The following GMDS variants were observed in gnomAD, a reference collection of about 807,000 sequenced individuals.
GMDS encodes GDP-mannose 4,6 dehydratase.
Under a neutral mutation model 49.9 loss-of-function variants are expected in GMDS, and 20 were observed. The ratio of observed to expected loss-of-function variants is 0.40; its 90% CI spans 0.28 to 0.58. The LOEUF (loss-of-function observed/expected upper bound fraction) is 0.58. GMDS is among the 20% of genes least tolerant of loss of function. The pLI is 0.42. For synonymous variants in GMDS, 177 were observed against 178.6 expected (o/e 0.99, Z 0.07); for missense variants, 362 against 481.4 (o/e 0.75, Z 2.32).
intron 9 of GMDS, among the ~76,000 whole-genome samples, chr6:1,627,681 T>G (rs1260780168): frequency 6.6e-6 from 1 of 152,204 alleles, no homozygotes; most frequent in African/African-American, 2.4e-5. Flanking sequence ...ACAGCCTTAG[T>G]ATGACAATGG....
intron 7 of GMDS, among the ~76,000 whole-genome samples, chr6:1,764,294 G>T (rs757603069): frequency 2.0e-5 from 3 of 152,122 alleles, no homozygotes; most frequent in Non-Finnish European, 4.4e-5. Context: ...TGTGAGAGCC[G>T]AGAGGTTCAC....
chr6:2,083,949 A>T (rs1772861680), intron 4 of GMDS, among the ~76,000 whole-genome samples: 1 of 152,324 alleles, frequency 6.6e-6, no homozygotes, highest in Admixed American at 6.5e-5. Context: ...AAAATATATA[A>T]TATTTAAGTT....
intron 1 of GMDS, among the ~76,000 whole-genome samples, chr6:2,198,535 G>C (rs1322255114): frequency 6.9e-6 from 1 of 145,614 alleles, no homozygotes; most frequent in Non-Finnish European, 1.5e-5. Context: ...ATGTTCCAGA[G>C]ATCACTGGAT....
chr6:1,788,133 C>G (rs757068678), intron 7 of GMDS, among the ~76,000 whole-genome samples: 13 of 152,054 alleles, frequency 8.5e-5, no homozygotes, highest in Non-Finnish European at 1.9e-4. Flanking sequence ...GAAACAGGCA[C>G]AGAGAGGAAA....
intron 4 of GMDS, among the ~76,000 whole-genome samples, chr6:1,994,546 G>A (rs1766155993): frequency 6.6e-6 from 1 of 152,074 alleles, no homozygotes; most frequent in Admixed American, 6.6e-5. Flanking sequence ...GATAAATGAG[G>A]CGCAAACTTT....
intron 7 of GMDS, among the ~76,000 whole-genome samples, chr6:1,780,224 A>T (rs976224945): frequency 6.6e-6 from 1 of 152,222 alleles, no homozygotes; most frequent in African/African-American, 2.4e-5. Context: ...CTAAATAATG[A>T]TTTCTAATCC....
chr6:1,870,906 C>T (rs532618593), intron 7 of GMDS, among the ~76,000 whole-genome samples: 1 of 152,260 alleles, frequency 6.6e-6, no homozygotes, highest in South Asian at 2.1e-4. Context: ...ATAATGTCAC[C>T]TGTTCCAAAT....
chr6:2,013,960 G>T, intron 4 of GMDS, among the ~76,000 whole-genome samples: 1 of 97,718 alleles, frequency 1.0e-5, no homozygotes, highest in Non-Finnish European at 2.0e-5. Context: ...ATATATATAT[G>T]CATATCATAA....
chr6:1,999,954 G>GTATATTATATATATTATATA (rs1561961538), intron 4 of GMDS, among the ~76,000 whole-genome samples: 21 of 12,282 alleles, frequency 1.7e-3, no homozygotes, highest in Admixed American at 5.6e-3. Context: ...TATATAATAT[G>GTATATTATATATATTATATA]TATATTATAT....
Position 2,177,493 on chromosome 6 carries a change from C to T in GMDS, c.103-52762G>A, listed in dbSNP as rs1268619997. ...AGCAGCACATCAAAAAGTTTATTCA[C>T]CACGATCAAGTAGGCTTTATTTCTG... is the stretch of plus-strand genomic sequence containing the variant. On this transcript the variant is annotated intron_variant, in intron 1 of 10. Transcript: ENST00000380815. Among the ~76,000 whole-genome samples the T allele has an allele frequency of 4.6e-5, 7 of 152,248 alleles. No homozygotes were observed. The East Asian group carries it at 1.2e-3, about 25-fold the overall frequency.
intron 7 of GMDS, among the ~76,000 whole-genome samples, chr6:1,804,662 A>G (rs143692606): frequency 3.2e-4 from 49 of 152,344 alleles, no homozygotes; most frequent in African/African-American, 1.2e-3. Context: ...TATAGAAAGA[A>G]GCCAGCAAAC....
At chr6:1,883,175 GA>G (rs1426063857) in intron 7 of GMDS, among the ~76,000 whole-genome samples, 1 of 151,988 alleles carries the variant, frequency 6.6e-6, no homozygotes, top group African/African-American at 2.4e-5. Flanking sequence ...GAAGAATCAC[GA>G]GGTCAAGAGA....
chr6:1,808,018 A>G (rs1770254110), intron 7 of GMDS, among the ~76,000 whole-genome samples: 1 of 152,222 alleles, frequency 6.6e-6, no homozygotes, highest in South Asian at 2.1e-4. Context: ...TCTAGACTAT[A>G]TAAATAACTA....
At chr6:1,802,026 T>C (rs544591765) in intron 7 of GMDS, among the ~76,000 whole-genome samples, 9 of 152,262 alleles carry the variant, frequency 5.9e-5, no homozygotes, top group Admixed American at 1.3e-4. Context: ...AGTAACAAAA[T>C]TGGGAGTTGG....
intron 4 of GMDS, among the ~76,000 whole-genome samples, chr6:2,002,775 A>G (rs1561964647): frequency 6.6e-6 from 1 of 152,192 alleles, no homozygotes; most frequent in East Asian, 1.9e-4. Context: ...TAAATTCAAC[A>G]TCTACTGTTA....
At chr6:2,230,977 T>G (rs1781079881) in intron 1 of GMDS, among the ~76,000 whole-genome samples, 1 of 90,188 alleles carries the variant, frequency 1.1e-5, no homozygotes. Flanking sequence ...ATACCCAGGG[T>G]TGACCAACTC....
At chr6:1,704,544 A>C (rs1765657295) in intron 9 of GMDS, among the ~76,000 whole-genome samples, 1 of 152,116 alleles carries the variant, frequency 6.6e-6, no homozygotes, top group South Asian at 2.1e-4. Context: ...TTAAAGGAAC[A>C]CCCCAGAAAG....
chr6:1,662,513 C>T (rs895595343), intron 9 of GMDS, among the ~76,000 whole-genome samples: 9 of 152,216 alleles, frequency 5.9e-5, no homozygotes, highest in Admixed American at 2.0e-4. Flanking sequence ...AGAGTTCCCA[C>T]ACAAAGAAGT....
chr6:1,746,886 G>T (rs1308220018), intron 7 of GMDS, among the ~76,000 whole-genome samples: 2 of 152,084 alleles, frequency 1.3e-5, no homozygotes, highest in East Asian at 3.9e-4. Context: ...ATTTTTAGTA[G>T]AGATGGGGTT....
Sources: gnomAD v4.1 joint callset for allele counts (sites outside exome capture counted in the v4.1 genomes callset) on GRCh38, gnomAD v4.1.1 for gene constraint, MANE v1.5 for transcripts, NCBI Gene and HGNC (gene_info 2026-07-23, HGNC 2026-07-21) for gene names.